The following EHBP1 variants were observed in gnomAD, a reference collection of about 807,000 sequenced individuals.
EHBP1 encodes the protein EH domain binding protein 1.
A neutral mutation model predicts 144.0 loss-of-function variants in EHBP1; 55 were observed. The ratio of observed to expected loss-of-function variants is 0.38; its 90% CI spans 0.31 to 0.48. The LOEUF is 0.48. Ranked by LOEUF, EHBP1 falls within the 20% of genes least tolerant of loss-of-function variation. The pLI is 0.98. For synonymous variants in EHBP1, 469 were observed against 472.7 expected, an observed-to-expected ratio of 0.99 and a Z score of 0.10; for missense variants, 1,200 against 1,364.2, an observed-to-expected ratio of 0.88 and a Z score of 1.90.
At chr2:62,679,028 T>C (rs2033414539) in intron 1 of EHBP1, among the ~76,000 whole-genome samples, 1 of 152,206 alleles carries the variant, frequency 6.6e-6, no homozygotes, top group African/African-American at 2.4e-5. Flanking sequence ...AGAGGCCAAA[T>C]GACTCACTCA....
intron 19 of EHBP1, among the ~76,000 whole-genome samples, chr2:63,005,020 T>G (rs182660453): frequency 1.0e-3 from 158 of 152,216 alleles, no homozygotes; most frequent in African/African-American, 3.4e-3. Flanking sequence ...TTACCTACAC[T>G]AATAATGAGT....
intron 14 of EHBP1, among the ~76,000 whole-genome samples, chr2:62,963,360 C>T (rs1407597886): frequency 6.6e-6 from 1 of 152,204 alleles, no homozygotes; most frequent in Non-Finnish European, 1.5e-5. Flanking sequence ...TAGATAAGAT[C>T]ACTAGATCTT....
chr2:62,854,338 A>C (rs2048879873), intron 7 of EHBP1, among the ~76,000 whole-genome samples: 1 of 152,240 alleles, frequency 6.6e-6, no homozygotes, highest in Non-Finnish European at 1.5e-5. Flanking sequence ...AATTTCCTTC[A>C]AGAATTTTTT....
intron 10 of EHBP1, among the ~76,000 whole-genome samples, chr2:62,880,190 T>G (rs2051282647): frequency 6.6e-6 from 1 of 152,102 alleles, no homozygotes; most frequent in Non-Finnish European, 1.5e-5. Flanking sequence ...ACCCCTTCCT[T>G]TCACCACATA....
At chr2:62,781,379 A>T (rs1489651985) in intron 5 of EHBP1, among the ~76,000 whole-genome samples, 3 of 152,170 alleles carry the variant, frequency 2.0e-5, no homozygotes, top group African/African-American at 7.2e-5. Context: ...ACCTGACCTT[A>T]CCCAAAATGA....
chr2:62,751,157 C>A (rs2039669455), intron 3 of EHBP1, among the ~76,000 whole-genome samples: 1 of 152,124 alleles, frequency 6.6e-6, no homozygotes, highest in Non-Finnish European at 1.5e-5. Flanking sequence ...AGATACGTCC[C>A]ATCAATACCG....
At chr2:62,921,252 C>T (rs376286142) in intron 10 of EHBP1, among the ~76,000 whole-genome samples, 1 of 151,942 alleles carries the variant, frequency 6.6e-6, no homozygotes, top group South Asian at 2.1e-4. Flanking sequence ...TTGAGACCAG[C>T]CTGGGCAACA....
intron 5 of EHBP1, among the ~76,000 whole-genome samples, chr2:62,800,176 A>G (rs951880648): frequency 9.2e-5 from 14 of 152,138 alleles, no homozygotes; most frequent in African/African-American, 2.9e-4. Context: ...ATGATGCTTG[A>G]ATTTTGAAGC....
chr2:62,967,963 A>C (rs1304320315), intron 14 of EHBP1, among the ~76,000 whole-genome samples: 1 of 152,112 alleles, frequency 6.6e-6, no homozygotes, highest in African/African-American at 2.4e-5. Context: ...CAGATGAATA[A>C]GCTGTTTTGA....
intron 8 of EHBP1, among the ~76,000 whole-genome samples, chr2:62,864,007 C>T (rs187895174): frequency 3.5e-4 from 53 of 151,824 alleles, no homozygotes; most frequent in South Asian, 2.3e-3. Context: ...CCACCCCACC[C>T]GGCTAGTTTT....
chr2:62,764,323 G>A lies in EHBP1; in HGVS notation c.220G>A (p.Val74Ile), dbSNP rs140184637. Reference sequence around the variant, plus strand: ...CTATCGTGGTGTTGTTGTGTGGCCTGTTCCTGAAAACATTGAAATCACTGT... The same window carrying A: ...CTATCGTGGTGTTGTTGTGTGGCCTATTCCTGAAAACATTGAAATCACTGT... ...NPYRGVVVWP[V>I]PENIEITVTL... The change falls in exon 4 of 23, where the codon GTT (valine) becomes ATT (isoleucine). Residue 74 changes from valine to isoleucine, a missense_variant. By Grantham distance (29) the Val-to-Ile change is conservative. Around this residue, in one of 6 missense-constraint regions of EHBP1, gnomAD observed 137 missense variants for 190.1 expected, o/e 0.72. Transcript: ENST00000431489. The A allele has an allele frequency of 8.9e-5, 141 of 1,586,802 alleles. No homozygotes were observed. The African/African-American group carries it at 1.7e-3, about 19-fold the overall frequency.
intron 3 of EHBP1, among the ~76,000 whole-genome samples, chr2:62,748,434 G>A (rs1361364472): frequency 2.6e-5 from 4 of 152,030 alleles, no homozygotes; most frequent in African/African-American, 7.2e-5. Flanking sequence ...CAGGAGGATC[G>A]CTTGAGGCTA....
At chr2:62,801,485 T>A (rs1371511887) in intron 5 of EHBP1, among the ~76,000 whole-genome samples, 1 of 152,244 alleles carries the variant, frequency 6.6e-6, no homozygotes, top group African/African-American at 2.4e-5. Context: ...CATCCCTTCT[T>A]TCAGGTGGTT....
At chr2:62,888,461 T>C (rs985695471) in intron 10 of EHBP1, among the ~76,000 whole-genome samples, 2 of 152,256 alleles carry the variant, frequency 1.3e-5, no homozygotes, top group African/African-American at 4.8e-5. Flanking sequence ...AGTTTGCTCA[T>C]TTATATCAGT....
intron 5 of EHBP1, among the ~76,000 whole-genome samples, chr2:62,813,544 T>G (rs1244025655): frequency 2.6e-5 from 4 of 152,120 alleles, no homozygotes; most frequent in African/African-American, 9.7e-5. Context: ...AACTGTGAGC[T>G]ACCACTGTGC....
chr2:62,687,089 C>G (rs1034983118), intron 1 of EHBP1, among the ~76,000 whole-genome samples: 1 of 152,216 alleles, frequency 6.6e-6, no homozygotes, highest in Non-Finnish European at 1.5e-5. Context: ...CTCCTGTCTT[C>G]AGCTGTTTTG....
chr2:62,925,533 C>A (rs1288744380), intron 10 of EHBP1, among the ~76,000 whole-genome samples: 12 of 151,996 alleles, frequency 7.9e-5, no homozygotes, highest in Non-Finnish European at 1.6e-4. Flanking sequence ...AATCTAAAGA[C>A]TGTACCAAAT....
chr2:63,000,274 T>C (rs922116493), intron 19 of EHBP1, among the ~76,000 whole-genome samples: 2 of 152,170 alleles, frequency 1.3e-5, no homozygotes, highest in African/African-American at 4.8e-5. Flanking sequence ...ACGACACAGA[T>C]AGAACAACTA....
intron 10 of EHBP1, among the ~76,000 whole-genome samples, chr2:62,908,193 AAG>A (rs1381309604): frequency 6.6e-6 from 1 of 152,210 alleles, no homozygotes; most frequent in Non-Finnish European, 1.5e-5. Context: ...AAATCTTCCA[AAG>A]AGTTTGTCCA....
Sources: gnomAD v4.1 joint callset for allele counts (sites outside exome capture counted in the v4.1 genomes callset) on GRCh38, gnomAD v4.1.1 for gene constraint, gnomAD v4.1.1 regional missense constraint, MANE v1.5 for transcripts, NCBI Gene and HGNC (gene_info 2026-07-23, HGNC 2026-07-21) for gene names.